Variants in CDH20 observed in about 807,000 individuals in gnomAD.
CDH20 encodes cadherin 20.
Under a neutral mutation model 74.2 loss-of-function variants are expected in CDH20, and 29 were observed. The observed-to-expected ratio is 0.39, with a 90% confidence interval of 0.29 to 0.53. CDH20 has a LOEUF of 0.53. Ranked by LOEUF, CDH20 falls within the 20% of genes least tolerant of loss-of-function variation. The probability of loss-of-function intolerance (pLI) is 0.69; values close to 1 mark genes in which losing one functional copy is unlikely to be tolerated. For missense variants in CDH20, 988 were observed against 1,048.3 expected (o/e 0.94, Z 0.79); for synonymous variants, 469 against 405.4 (o/e 1.16, Z -1.88).
At chr18:61,520,493 G>C (rs1392803679) in intron 6 of CDH20, among the ~76,000 whole-genome samples, 1 of 150,830 alleles carries the variant, frequency 6.6e-6, no homozygotes, top group Non-Finnish European at 1.5e-5. Flanking sequence ...AATAGTGGGA[G>C]ACTTTAACAC....
intron 1 of CDH20, among the ~76,000 whole-genome samples, chr18:61,446,350 G>A (rs1909204256): frequency 6.6e-6 from 1 of 152,046 alleles, no homozygotes; most frequent in Non-Finnish European, 1.5e-5. Flanking sequence ...TTTTCACTCT[G>A]GAGCTCTCCT....
chr18:61,515,173 C>G (rs548134341), intron 6 of CDH20, among the ~76,000 whole-genome samples: 1 of 152,124 alleles, frequency 6.6e-6, no homozygotes, highest in Non-Finnish European at 1.5e-5. Context: ...CTAGGACCCT[C>G]GGAGCCAGGT....
At chr18:61,491,871 G>A (rs1037608780) in intron 2 of CDH20, among the ~76,000 whole-genome samples, 25 of 151,832 alleles carry the variant, frequency 1.6e-4, no homozygotes, top group African/African-American at 5.6e-4. Flanking sequence ...TCACAATCCC[G>A]TTTTTCCTTC....
chr18:61,405,416 A>T (rs1224773913), intron 1 of CDH20, among the ~76,000 whole-genome samples: 3 of 152,086 alleles, frequency 2.0e-5, no homozygotes, highest in African/African-American at 7.2e-5. Flanking sequence ...CAAGACCCCC[A>T]TCTTTAAAAA....
At chr18:61,385,081 C>T (rs1473832632) in intron 1 of CDH20, among the ~76,000 whole-genome samples, 2 of 152,094 alleles carry the variant, frequency 1.3e-5, no homozygotes, top group Non-Finnish European at 2.9e-5. Flanking sequence ...AAAGAACATG[C>T]CCAACATCTT....
intron 10 of CDH20, among the ~76,000 whole-genome samples, chr18:61,549,473 A>T (rs985551464): frequency 6.6e-6 from 1 of 152,254 alleles, no homozygotes; most frequent in African/African-American, 2.4e-5. Context: ...TTTCAGAAGC[A>T]TAAAAGAAAA....
chr18:61,452,033 T>A (rs1439507011), intron 1 of CDH20, among the ~76,000 whole-genome samples: 1 of 152,144 alleles, frequency 6.6e-6, no homozygotes, highest in East Asian at 1.9e-4. Context: ...ACATTTAGTA[T>A]CTGGAAGGAC....
intron 1 of CDH20, among the ~76,000 whole-genome samples, chr18:61,399,770 T>C (rs1912098904): frequency 6.6e-6 from 1 of 152,174 alleles, no homozygotes; most frequent in Admixed American, 6.5e-5. Flanking sequence ...AATTGATGAG[T>C]CTATAACAAA....
At chr18:61,357,893 C>T (rs1910544793) in intron 1 of CDH20, among the ~76,000 whole-genome samples, 1 of 152,002 alleles carries the variant, frequency 6.6e-6, no homozygotes, top group South Asian at 2.1e-4. Context: ...CCTCTCTGGC[C>T]CTCAGATACC....
chr18:61,405,583 T>C (rs1389000217), intron 1 of CDH20, among the ~76,000 whole-genome samples: 1 of 152,102 alleles, frequency 6.6e-6, no homozygotes, highest in South Asian at 2.1e-4. Context: ...CAAGACCCCA[T>C]CTCTAAATAA....
At chr18:61,446,992 T>C (rs1029939183) in intron 1 of CDH20, among the ~76,000 whole-genome samples, 1 of 152,228 alleles carries the variant, frequency 6.6e-6, no homozygotes, top group African/African-American at 2.4e-5. Flanking sequence ...TTTTTCAATC[T>C]GCACAGGAGT....
chr18:61,441,636 C>A (rs1909036681), intron 1 of CDH20, among the ~76,000 whole-genome samples: 1 of 152,134 alleles, frequency 6.6e-6, no homozygotes, highest in African/African-American at 2.4e-5. Context: ...GGGCCCCATA[C>A]CTTTGCAAAG....
Position 61,490,880 on chromosome 18 carries a change from T to C in CDH20, c.246+81T>C, listed in dbSNP as rs538504528. The C allele has an allele frequency of 3.9e-5, 57 of 1,470,848 alleles. No individual in the cohort carries two copies. The African/African-American group carries it at 6.8e-4, about 18-fold the overall frequency. The allele number at this position is 1,470,848 out of a possible 1,614,324, so 91.1% of individuals were successfully genotyped here. ...ATTGAGTATCAAAGTTGACCTAGCC[T>C]TTATCTGAGACCTGAGAAAAACTAG... On this transcript the variant is annotated intron_variant, in intron 2 of 11. Transcript: ENST00000262717.
At chr18:61,499,613 A>C in intron 3 of CDH20, 133 bp downstream of exon 3, 21 of 749,182 alleles carry the variant, frequency 2.8e-5, no homozygotes, top group Non-Finnish European at 4.2e-5. Context: ...GGAGAAGCTC[A>C]CCAATTATAA....
At chr18:61,448,293 T>G (rs926297266) in intron 1 of CDH20, among the ~76,000 whole-genome samples, 2 of 152,322 alleles carry the variant, frequency 1.3e-5, no homozygotes, top group East Asian at 3.9e-4. Flanking sequence ...TGGGATTCCT[T>G]GTATTTCAGA....
intron 1 of CDH20, among the ~76,000 whole-genome samples, chr18:61,372,390 A>T (rs1405764993): frequency 6.6e-6 from 1 of 152,134 alleles, no homozygotes; most frequent in East Asian, 1.9e-4. Context: ...AATAAAAGAA[A>T]AATATTTATT....
intron 1 of CDH20, among the ~76,000 whole-genome samples, chr18:61,359,705 T>C (rs976729731): frequency 1.3e-5 from 2 of 152,254 alleles, no homozygotes; most frequent in African/African-American, 2.4e-5. Context: ...CATTTGGATA[T>C]ACTGACGTGA....
At chr18:61,372,508 C>T (rs1266174013) in intron 1 of CDH20, among the ~76,000 whole-genome samples, 1 of 151,900 alleles carries the variant, frequency 6.6e-6, no homozygotes, top group East Asian at 1.9e-4. Flanking sequence ...CAATATCTAC[C>T]CCAGTAAGAA....
chr18:61,459,581 C>T (rs1051478279), intron 1 of CDH20, among the ~76,000 whole-genome samples: 2 of 152,156 alleles, frequency 1.3e-5, no homozygotes, highest in Non-Finnish European at 2.9e-5. Flanking sequence ...CCACTCCTTG[C>T]TACTCAAGAT....
Sources: allele counts gnomAD v4.1 joint callset (sites outside exome capture counted in the v4.1 genomes callset), GRCh38; gene constraint gnomAD v4.1.1; transcripts MANE v1.5; gene names NCBI Gene and HGNC (gene_info 2026-07-23, HGNC 2026-07-21).